Variants in TNFSF4 observed in about 807,000 individuals in gnomAD.
The protein encoded by TNFSF4 is tumor necrosis factor ligand superfamily member 4.
A neutral mutation model predicts 7.3 loss-of-function variants in TNFSF4; 4 were observed. The ratio of observed to expected loss-of-function variants is 0.55; its 90% CI spans 0.27 to 1.25. TNFSF4 has a LOEUF of 1.25. Among genes scored for constraint, TNFSF4 ranks in the 50% most tolerant of loss-of-function variants. The pLI is 0.12. For missense variants in TNFSF4, 181 were observed against 208.8 expected (o/e 0.87, Z 0.82); for synonymous variants, 76 against 83.7 (o/e 0.91, Z 0.50).
At chr1:173,373,511 G>T in the TNFSF4 span, among the ~76,000 whole-genome samples, 1 of 152,156 alleles carries the variant, frequency 6.6e-6, no homozygotes, top group Admixed American at 6.5e-5. Flanking sequence ...CCAGCCAGTG[G>T]AAAATACTTA....
At chr1:173,296,241 C>T in the TNFSF4 span, among the ~76,000 whole-genome samples, 1 of 151,872 alleles carries the variant, frequency 6.6e-6, no homozygotes, top group Admixed American at 6.6e-5. Flanking sequence ...CCCTTGGAAA[C>T]CAAAGGTGAT....
chr1:173,234,920 G>A, the TNFSF4 span, among the ~76,000 whole-genome samples: 5 of 152,040 alleles, frequency 3.3e-5, no homozygotes, highest in East Asian at 1.9e-4. Context: ...TTGTGTGCAC[G>A]TGGACCCTAG....
chr1:173,433,763 T>C, the TNFSF4 span, among the ~76,000 whole-genome samples: 85 of 152,256 alleles, frequency 5.6e-4, no homozygotes, highest in African/African-American at 1.9e-3. Context: ...ACTTCCAAGT[T>C]GTTACGGGTT....
the TNFSF4 span, among the ~76,000 whole-genome samples, chr1:173,326,475 C>T: frequency 4.6e-4 from 70 of 152,258 alleles, no homozygotes; most frequent in Middle Eastern, 6.8e-3. Context: ...GATGCCCTCT[C>T]TCACCACTCC....
chr1:173,296,800 T>A, the TNFSF4 span, among the ~76,000 whole-genome samples: 1 of 151,964 alleles, frequency 6.6e-6, no homozygotes, highest in Non-Finnish European at 1.5e-5. Context: ...AGCAGAAGAT[T>A]GTGCCTGACA....
the TNFSF4 span, among the ~76,000 whole-genome samples, chr1:173,378,249 C>T: frequency 6.6e-6 from 1 of 150,982 alleles, no homozygotes; most frequent in South Asian, 2.1e-4. Flanking sequence ...TCTGCTACTG[C>T]ATCAGTGAGC....
At chr1:173,217,313 G>T in the TNFSF4 span, among the ~76,000 whole-genome samples, 8 of 152,184 alleles carry the variant, frequency 5.3e-5, no homozygotes, top group South Asian at 1.7e-3. Context: ...CTTTCCTTCT[G>T]CCCCTTCAGC....
At chr1:173,292,432 TC>T in the TNFSF4 span, among the ~76,000 whole-genome samples, 1 of 151,956 alleles carries the variant, frequency 6.6e-6, no homozygotes, top group African/African-American at 2.4e-5. Flanking sequence ...AAATTCAACA[TC>T]CCTTTATGTT....
At chr1:173,242,731 G>A in the TNFSF4 span, among the ~76,000 whole-genome samples, 1 of 152,082 alleles carries the variant, frequency 6.6e-6, no homozygotes, top group South Asian at 2.1e-4. Flanking sequence ...TTTTGAAGAT[G>A]GAGGGAGGAA....
the TNFSF4 span, among the ~76,000 whole-genome samples, chr1:173,256,626 T>A: frequency 1.3e-5 from 2 of 152,200 alleles, no homozygotes; most frequent in Non-Finnish European, 2.9e-5. Flanking sequence ...CAGCCTGATG[T>A]AGATTCTGGC....
intron 1 of TNFSF4, among the ~76,000 whole-genome samples, chr1:173,200,662 G>A (rs1428115978): frequency 6.6e-6 from 1 of 151,930 alleles, no homozygotes; most frequent in African/African-American, 2.4e-5. Context: ...TATCATTTTT[G>A]TAATATTGTC....
the TNFSF4 span, among the ~76,000 whole-genome samples, chr1:173,395,021 TA>T: frequency 2.7e-3 from 347 of 130,388 alleles, 1 homozygote; most frequent in Middle Eastern, 0.011. Context: ...GATAGATAGA[TA>T]GATAGATAGA....
the TNFSF4 span, among the ~76,000 whole-genome samples, chr1:173,369,784 T>C: frequency 6.6e-6 from 1 of 152,174 alleles, no homozygotes; most frequent in African/African-American, 2.4e-5. Flanking sequence ...TCCTGCAGCT[T>C]GACCTTTTCT....
chr1:173,204,798 G>A (rs1385904159), intron 1 of TNFSF4, among the ~76,000 whole-genome samples: 1 of 152,028 alleles, frequency 6.6e-6, no homozygotes, highest in Non-Finnish European at 1.5e-5. Context: ...TTGTAGATGA[G>A]TTTTAAATGG....
chr1:173,231,017 C>T, the TNFSF4 span, among the ~76,000 whole-genome samples: 475 of 152,290 alleles, frequency 3.1e-3, 3 homozygotes, highest in Non-Finnish European at 5.5e-3. Context: ...ACCAGAGGTA[C>T]AAGGATGAGC....
chr1:173,444,259 GC>G, the TNFSF4 span, among the ~76,000 whole-genome samples: 2 of 151,966 alleles, frequency 1.3e-5, no homozygotes, highest in African/African-American at 4.8e-5. Flanking sequence ...AACCAACCAA[GC>G]AGCCTGCAAA....
chr1:173,401,770 T>A, the TNFSF4 span, among the ~76,000 whole-genome samples: 1 of 152,016 alleles, frequency 6.6e-6, no homozygotes, highest in African/African-American at 2.4e-5. Flanking sequence ...CCCATATACA[T>A]ACATATACAC....
chr1:173,320,542 C>T, the TNFSF4 span, among the ~76,000 whole-genome samples: 1 of 152,196 alleles, frequency 6.6e-6, no homozygotes, highest in Admixed American at 6.5e-5. Context: ...CAAATTGTCT[C>T]TGTTTGCAGA....
chr1:173,243,010 G>GGC, the TNFSF4 span, among the ~76,000 whole-genome samples: 1 of 116,508 alleles, frequency 8.6e-6, no homozygotes, highest in Non-Finnish European at 1.8e-5. Context: ...TGGGTGGGGG[G>GGC]GGGGGGGGAG....
Sources: gnomAD v4.1 joint callset for allele counts (sites outside exome capture counted in the v4.1 genomes callset) on GRCh38, gnomAD v4.1.1 for gene constraint, MANE v1.5 for transcripts, NCBI Gene and HGNC (gene_info 2026-07-23, HGNC 2026-07-21) for gene names.